IQSEC1: variants seen among roughly 807,000 people sequenced by gnomAD.
IQSEC1 encodes IQ motif and SEC7 domain-containing protein 1.
IQSEC1 carries 31 observed loss-of-function variants against 91.0 expected under a neutral mutation model. The observed-to-expected ratio is 0.34, with a 90% CI of 0.26 to 0.46. IQSEC1 has a LOEUF of 0.46. Among genes scored for constraint, IQSEC1 ranks in the 20% least tolerant of loss-of-function variants. The probability of loss-of-function intolerance (pLI) is 1.00; values close to 1 mark genes in which losing one functional copy is unlikely to be tolerated. For missense variants in IQSEC1, 1,388 were observed against 1,575.6 expected (o/e 0.88, Z 2.02); for synonymous variants, 699 against 662.6 (o/e 1.05, Z -0.84).
intron 1 of IQSEC1, among the ~76,000 whole-genome samples, chr3:13,245,152 T>A (rs1414064267): frequency 6.6e-6 from 1 of 152,130 alleles, no homozygotes; most frequent in Non-Finnish European, 1.5e-5. Flanking sequence ...GGCTCGCTCA[T>A]GTGTCTGTGG....
At chr3:13,009,946 G>C (rs1015447750) in intron 1 of IQSEC1, among the ~76,000 whole-genome samples, 4 of 152,242 alleles carry the variant, frequency 2.6e-5, no homozygotes, top group Admixed American at 2.6e-4. Flanking sequence ...TAAGGCAGTG[G>C]AGCATGTGGT....
chr3:12,998,290 G>A (rs1702296123), intron 1 of IQSEC1, among the ~76,000 whole-genome samples: 1 of 152,212 alleles, frequency 6.6e-6, no homozygotes, highest in Admixed American at 6.5e-5. Flanking sequence ...GACTGAGGCT[G>A]CACTAAGCTG....
At chr3:13,252,728 G>GTTTTTTTTTTT (rs558834911) in intron 1 of IQSEC1, among the ~76,000 whole-genome samples, 35 of 117,954 alleles carry the variant, frequency 3.0e-4, no homozygotes, top group African/African-American at 9.7e-4. Context: ...GTTTTTTTTT[G>GTTTTTTTTTTT]TTTTTGTTTG....
intron 1 of IQSEC1, among the ~76,000 whole-genome samples, chr3:13,001,851 G>A (rs1702436847): frequency 1.3e-5 from 2 of 152,174 alleles, no homozygotes; most frequent in African/African-American, 2.4e-5. Flanking sequence ...CTGAGGTCAG[G>A]AGTTCCAGAC....
chr3:13,121,386 A>T (rs1218031931), intron 2 of IQSEC1, among the ~76,000 whole-genome samples: 1 of 152,012 alleles, frequency 6.6e-6, no homozygotes, highest in African/African-American at 2.4e-5. Context: ...CACGGCTGGG[A>T]GGGGTGAGGC....
chr3:13,088,647 C>T (rs920253107), intron 2 of IQSEC1, among the ~76,000 whole-genome samples: 6 of 152,168 alleles, frequency 3.9e-5, no homozygotes, highest in Admixed American at 2.0e-4. Flanking sequence ...GGGGACCCCA[C>T]CCCACTCAGA....
Position 12,901,347 on chromosome 3 carries a change from G to C in IQSEC1, c.2981C>G (p.Pro994Arg), listed in dbSNP as rs1476049481. 1.3e-6 allele frequency: 2 copies of C among 1,530,538 alleles called. No homozygotes were observed. Among genetic ancestry groups the C allele is most frequent in the South Asian group, 1.2e-5 (1 of 83,730 alleles). The allele number at this position is 1,530,538 out of a possible 1,614,324, so 94.8% of individuals were successfully genotyped here. A position where few individuals can be genotyped will look rare whatever the true frequency, so the allele number is the denominator to read the frequency against. ...AHLPSAPALP[P>R]PHPPVVLPHL... is the part of the protein sequence containing the mutation. ...AGGCAGGACCACCGGTGGGTGGGGGGGTGGCAGGGCTGGGGCTGAGGGCAG... is the reference window on the plus strand; with the variant it reads ...AGGCAGGACCACCGGTGGGTGGGGGCGTGGCAGGGCTGGGGCTGAGGGCAG... Residue 994 changes from proline (P) to arginine (R), a missense_variant, in exon 14 of 14, where the codon CCC becomes CGC. By Grantham distance (103) the Pro-to-Arg change is moderately radical. Transcript: ENST00000613206.
chr3:13,270,742 T>C (rs1045792314), intron 1 of IQSEC1, among the ~76,000 whole-genome samples: 1 of 152,208 alleles, frequency 6.6e-6, no homozygotes, highest in Non-Finnish European at 1.5e-5. Flanking sequence ...AGAAAATAGA[T>C]ATAAGATGCA....
intron 1 of IQSEC1, among the ~76,000 whole-genome samples, chr3:13,258,018 C>T (rs73033225): frequency 0.13 from 19,206 of 152,194 alleles, 1,266 homozygotes; most frequent in East Asian, 0.19. Flanking sequence ...CCATAAAAAG[C>T]CATGGAGGAA....
At chr3:12,921,991 G>T in intron 5 of IQSEC1, 129 bp downstream of exon 5, 2 of 1,178,640 alleles carry the variant, frequency 1.7e-6, no homozygotes, top group Non-Finnish European at 2.3e-6. Flanking sequence ...CACCCCCAAA[G>T]CAACATTCAG....
chr3:13,245,872 T>C (rs1434833611), intron 1 of IQSEC1, among the ~76,000 whole-genome samples: 1 of 151,636 alleles, frequency 6.6e-6, no homozygotes, highest in East Asian at 1.9e-4. Flanking sequence ...TGAAAGACAC[T>C]GGGATTTGTT....
intron 7 of IQSEC1, 57 bp downstream of exon 7, chr3:12,915,537 A>G: frequency 6.3e-7 from 1 of 1,581,560 alleles, no homozygotes; most frequent in East Asian, 2.3e-5. Flanking sequence ...AAGGCCTGGC[A>G]GGCAGCCCCG....
intron 2 of IQSEC1, among the ~76,000 whole-genome samples, chr3:13,097,797 A>G (rs981177476): frequency 1.3e-5 from 2 of 152,254 alleles, no homozygotes; most frequent in African/African-American, 4.8e-5. Context: ...AAATTGATTA[A>G]TAACGTGCAG....
At chr3:13,174,484 G>A (rs165265) in intron 1 of IQSEC1, among the ~76,000 whole-genome samples, 3 of 151,852 alleles carry the variant, frequency 2.0e-5, no homozygotes, top group African/African-American at 7.3e-5. Flanking sequence ...CCATCTCAGC[G>A]GGGGCTCCTC....
At chr3:13,200,070 C>CACACAACATGCATAT (rs1370527305) in intron 1 of IQSEC1, among the ~76,000 whole-genome samples, 7 of 147,934 alleles carry the variant, frequency 4.7e-5, no homozygotes, top group Admixed American at 4.0e-4. Flanking sequence ...CACACACATA[C>CACACAACATGCATAT]ACACAACATG....
rs1051281959 is a variant in IQSEC1 at position 12,983,342 on chromosome 3, C to T, written c.24-41477G>A. ...AGTCCTCGGAGGGGATGAAAGGTGG[C>T]GTGGTGACAACTGCAGTCTGGGTGC... On this transcript the variant is annotated intron_variant, in intron 1 of 13. Transcript: ENST00000613206. The surrounding 1 kb of genome is among the most constrained non-coding windows in gnomAD (Gnocchi z 4.3). 2.0e-5 allele frequency among the ~76,000 whole-genome samples: 3 copies of T among 152,120 alleles called. No individual in the cohort carries two copies. The highest frequency in any genetic ancestry group is 6.5e-5 in the Admixed American group (1 of 15,282).
At chr3:12,975,251 C>T (rs976201939) in intron 1 of IQSEC1, among the ~76,000 whole-genome samples, 4 of 152,234 alleles carry the variant, frequency 2.6e-5, no homozygotes, top group Non-Finnish European at 5.9e-5. Flanking sequence ...TGAGTAAGCA[C>T]CTTTTCCAGC....
In IQSEC1 at chr3:13,214,254, C is replaced by A. The variant is rs963469493; in HGVS notation, c.273-50121G>T. 1.3e-5 allele frequency among the ~76,000 whole-genome samples: 2 copies of A among 152,232 alleles called. No homozygotes were observed. Among genetic ancestry groups the A allele is most frequent in the African/African-American group, 4.8e-5 (2 of 41,454 alleles). ...CCTTTGAGAGCCAACCTGCCCTGGCCGGGTGAGACTAACCCTGTCTGAGTC... is the reference window on the plus strand; with the variant it reads ...CCTTTGAGAGCCAACCTGCCCTGGCAGGGTGAGACTAACCCTGTCTGAGTC... On this transcript the variant is annotated intron_variant, in intron 1 of 15. Transcript: ENST00000648114. This position sits in a 1 kb window ranked among gnomAD's most constrained non-coding sequence, Gnocchi z 4.5.
chr3:13,104,582 T>C (rs929880503), intron 2 of IQSEC1, among the ~76,000 whole-genome samples: 9 of 152,284 alleles, frequency 5.9e-5, no homozygotes, highest in African/African-American at 2.2e-4. Context: ...CTCTTTCCCC[T>C]GTGCACGCTG....
Sources: gnomAD v4.1 joint callset for allele counts (sites outside exome capture counted in the v4.1 genomes callset) on GRCh38, gnomAD v4.1.1 for gene constraint, Gnocchi (gnomAD v3.1) non-coding constraint, MANE v1.5 for transcripts, NCBI Gene and HGNC (gene_info 2026-07-23, HGNC 2026-07-21) for gene names.